Variants in SLC43A2 observed in about 807,000 individuals in gnomAD.
SLC43A2 encodes the protein large neutral amino acids transporter small subunit 4.
A neutral mutation model predicts 63.2 loss-of-function variants in SLC43A2; 38 were observed. That is an observed-to-expected ratio of 0.60 (90% confidence interval 0.46 to 0.79). The LOEUF (loss-of-function observed/expected upper bound fraction) is 0.79. SLC43A2 is among the 30% of genes least tolerant of loss of function. SLC43A2 has a pLI of 0.00. For missense variants in SLC43A2, 644 were observed against 756.2 expected (o/e 0.85, Z 1.74); for synonymous variants, 322 against 331.0 (o/e 0.97, Z 0.30).
intron 1 of SLC43A2, among the ~76,000 whole-genome samples, 168 bp downstream of exon 1, chr17:1,628,626 C>T (rs958505461): frequency 4.6e-5 from 7 of 152,184 alleles, no homozygotes; most frequent in African/African-American, 1.4e-4. Context: ...CCTCGGACCC[C>T]CGCGCCTCCA....
chr17:1,585,382 C>T (rs1037757288), intron 10 of SLC43A2: 1 of 404,478 alleles, frequency 2.5e-6, no homozygotes, highest in African/African-American at 2.1e-5. Flanking sequence ...GCTGGGATTA[C>T]AGGCGCGCGC....
intron 5 of SLC43A2, among the ~76,000 whole-genome samples, chr17:1,607,921 G>C (rs2151067370): frequency 6.6e-6 from 1 of 152,208 alleles, no homozygotes; most frequent in East Asian, 1.9e-4. Flanking sequence ...TCACCATGTT[G>C]GCCAGCCTGC....
chr17:1,617,469 C>A (rs1281419790), intron 2 of SLC43A2, among the ~76,000 whole-genome samples: 1 of 152,158 alleles, frequency 6.6e-6, no homozygotes, highest in Non-Finnish European at 1.5e-5. Context: ...CGGCTCACTG[C>A]AACCTCCGCC....
intron 7 of SLC43A2, 21 bp from the exon 8 acceptor site, chr17:1,591,492 C>T (rs768198464): frequency 1.9e-6 from 3 of 1,612,338 alleles, no homozygotes; most frequent in South Asian, 2.2e-5. Context: ...GGGAGAGTGT[C>T]TGTGGGTGCT....
intron 2 of SLC43A2, among the ~76,000 whole-genome samples, chr17:1,622,276 C>A (rs79735563): frequency 0.16 from 23,791 of 152,274 alleles, 2,665 homozygotes; most frequent in East Asian, 0.4. Flanking sequence ...TTTAAGAAAG[C>A]TATCCGGCTG....
rs1167666671 is a variant in SLC43A2 at position 1,591,700 on chromosome 17, C to G, written c.595-1G>C. The G allele has an allele frequency of 7.5e-7, 1 of 1,325,548 alleles. No homozygotes were observed. Among genetic ancestry groups the G allele is most frequent in the Non-Finnish European group, 1.0e-6 (1 of 984,078 alleles). 82.1% of individuals were successfully genotyped at this position (1,325,548 alleles called of 1,614,324 possible). On this transcript the variant is annotated splice_acceptor_variant, in intron 6 of 13. Coordinates refer to ENST00000301335, the MANE Select transcript of SLC43A2 (RefSeq NM_152346.3). LOFTEE classifies it high-confidence loss of function. Reference sequence around the variant, plus strand: ...AGGAGACACCAGCATCATAGATGAGCTGACAGGCACCGCGGGGACGGGGTG... The same window carrying G: ...AGGAGACACCAGCATCATAGATGAGGTGACAGGCACCGCGGGGACGGGGTG...
rs1435657887 is a variant in SLC43A2, at chr17:1,593,832, C to A, written c.502-553G>T. Reference sequence around the variant, plus strand: ...GGATGAAGCTGGCCCAGGATTCCTGCTTCTGAATTTCTTTTCTTTGTTTTG... The same window carrying A: ...GGATGAAGCTGGCCCAGGATTCCTGATTCTGAATTTCTTTTCTTTGTTTTG... On this transcript the variant is annotated intron_variant, in intron 5 of 13. Transcript: ENST00000301335. This position sits in a 1 kb window ranked among gnomAD's most constrained non-coding sequence, Gnocchi z 5.3. Among the ~76,000 whole-genome samples the A allele has an allele frequency of 6.6e-6, 1 of 152,072 alleles. No homozygotes were observed. The highest frequency in any genetic ancestry group is 1.5e-5 in the Non-Finnish European group (1 of 68,008).
rs1008992609 is a variant in SLC43A2 at position 1,569,694 on chromosome 17, CCACTCAGCAGAAACCT to C, written c.*5894_*5909del. ...CTACGTGACCGTGCCTTGAGTCGCC[CCACTCAGCAGAAACCT>C]CACTCAGCAGAAACTTGTCCACCAG... is the stretch of plus-strand genomic sequence containing the variant. On this transcript the variant is annotated 3_prime_UTR_variant, in exon 14 of 14. Coordinates refer to ENST00000301335, the MANE Select transcript of SLC43A2 (RefSeq NM_152346.3). 40 of 152,534 alleles carry C rather than the reference CCACTCAGCAGAAACCT, an allele frequency of 2.6e-4. No homozygotes were observed. Among genetic ancestry groups the C allele is most frequent in the African/African-American group, 7.2e-4 (30 of 41,556 alleles). 9.4% of individuals were successfully genotyped at this position (152,534 alleles called of 1,614,324 possible).
chr17:1,627,671 C>A (rs1908783882), intron 2 of SLC43A2, 44 bp downstream of exon 2: 2 of 1,129,732 alleles, frequency 1.8e-6, no homozygotes, highest in South Asian at 1.8e-5. Flanking sequence ...CCTCCCAAAG[C>A]CCCAGCTCCA....
intron 11 of SLC43A2, among the ~76,000 whole-genome samples, chr17:1,581,953 T>A (rs1050358707): frequency 6.6e-6 from 1 of 151,608 alleles, no homozygotes; most frequent in African/African-American, 2.4e-5. Context: ...ATTACAGGCA[T>A]GTGCCACCAC....
At chr17:1,581,281 C>T (rs1470913138) in intron 11 of SLC43A2, among the ~76,000 whole-genome samples, 2 of 151,950 alleles carry the variant, frequency 1.3e-5, no homozygotes, top group Non-Finnish European at 2.9e-5. Context: ...ACTTTTCTTT[C>T]AGTGAGACCT....
chr17:1,629,670 G>T (rs1392962338), upstream of SLC43A2, among the ~76,000 whole-genome samples: 2 of 152,214 alleles, frequency 1.3e-5, no homozygotes. Context: ...ATCGTCATCT[G>T]GGTGCTCCCT....
At position 1,578,435 on chromosome 17, in the gene SLC43A2, T is replaced by G; in HGVS notation, c.1351-112A>C. 1.0e-6 allele frequency: 1 copy of G among 993,700 alleles called. No homozygotes were observed. Among genetic ancestry groups the G allele is most frequent in the Admixed American group, 2.3e-5 (1 of 43,284 alleles). The allele number at this position is 993,700 out of a possible 1,614,324, so 61.6% of individuals were successfully genotyped here. ...CCCAGGGGCAGTGTCAGCCTGGAGT[T>G]GGATCAACCCCATCCTCCGGAGCCA... On this transcript the variant is annotated intron_variant, in intron 11 of 13. Transcript: ENST00000301335. This position sits in a 1 kb window ranked among gnomAD's most constrained non-coding sequence, Gnocchi z 6.5.
chr17:1,613,202 G>T lies in SLC43A2; in HGVS notation c.494C>A (p.Ser165Ter). 6.2e-7 allele frequency: 1 copy of T among 1,613,516 alleles called. No homozygotes were observed. The highest frequency in any genetic ancestry group is 8.5e-7 in the Non-Finnish European group (1 of 1,179,536). Residue 165 changes from serine to a stop codon, truncating the protein, a stop_gained, in exon 5 of 14, where the codon TCA becomes TAA. Transcript: ENST00000301335. LOFTEE classifies it high-confidence loss of function. ...TAAAAAATCTGTACTCACTGTTAAT[G>T]AGGTGAAGGTCATACACATCCCACC... is the stretch of plus-strand genomic sequence containing the variant. ...GFGGMCMTFT[S>*]LTLPNMFGDL...
intron 2 of SLC43A2, among the ~76,000 whole-genome samples, chr17:1,621,219 C>T (rs1908123325): frequency 6.6e-6 from 1 of 152,128 alleles, no homozygotes; most frequent in African/African-American, 2.4e-5. Context: ...CCCCCAGGCT[C>T]CCCTGAGGCA....
chr17:1,619,911 C>G (rs4790238), intron 2 of SLC43A2, among the ~76,000 whole-genome samples: 147,203 of 152,250 alleles, frequency 0.97, 71,374 homozygotes, highest in East Asian at 1. Flanking sequence ...GGGGGCTGCA[C>G]GTTCTACTGC....
intron 3 of SLC43A2, 131 bp from the exon 4 acceptor site, chr17:1,615,165 T>C (rs936110264): frequency 1.9e-6 from 2 of 1,045,726 alleles, no homozygotes; most frequent in East Asian, 5.4e-5. Flanking sequence ...TGGAGTGCAG[T>C]GGCGCGATCT....
chr17:1,575,375 C>T lies in SLC43A2; in HGVS notation c.*229G>A, dbSNP rs985343800. 4 of 584,864 alleles carry T rather than the reference C, an allele frequency of 6.8e-6. No individual in the cohort carries two copies. Among genetic ancestry groups the T allele is most frequent in the Non-Finnish European group, 1.2e-5 (4 of 339,106 alleles). The allele number at this position is 584,864 out of a possible 1,614,324, so 36.2% of individuals were successfully genotyped here. A position where few individuals can be genotyped will look rare whatever the true frequency, so the allele number is the denominator to read the frequency against. On this transcript the variant is annotated 3_prime_UTR_variant, in exon 14 of 14. Transcript: ENST00000301335. ...CAGGCCCCGGGTCCCCGGGGGGCGG[C>T]AGAGCAAAGTCAGGGCAGCCCCTGC... is the stretch of plus-strand genomic sequence containing the variant.
intron 2 of SLC43A2, 61 bp downstream of exon 2, chr17:1,627,654 C>G: frequency 6.8e-4 from 234 of 346,564 alleles, no homozygotes; most frequent in Non-Finnish European, 1.0e-3. Context: ...TCGCCCCCAT[C>G]CCGCCCCCTC....
Sources: allele counts gnomAD v4.1 joint callset (sites outside exome capture counted in the v4.1 genomes callset), GRCh38; gene constraint gnomAD v4.1.1; non-coding constraint Gnocchi (gnomAD v3.1); transcripts MANE v1.5; gene names NCBI Gene and HGNC (gene_info 2026-07-23, HGNC 2026-07-21).